The following NLGN1 variants were observed in gnomAD, a reference collection of about 807,000 sequenced individuals.
NLGN1 encodes neuroligin-1.
In NLGN1, 12 loss-of-function variants were observed where a neutral mutation model predicts 65.5. The ratio of observed to expected loss-of-function variants is 0.18; its 90% CI spans 0.12 to 0.30. NLGN1 has a LOEUF of 0.30. Ranked by LOEUF, NLGN1 falls within the 10% of genes least tolerant of loss-of-function variation. The pLI is 1.00. For missense variants in NLGN1, 750 were observed against 1,007.1 expected (o/e 0.74, Z 3.46); for synonymous variants, 350 against 359.5 (o/e 0.97, Z 0.30).
chr3:174,202,211 A>G (rs9842665), intron 4 of NLGN1, among the ~76,000 whole-genome samples: 32,556 of 152,026 alleles, frequency 0.21, 3,847 homozygotes, highest in African/African-American at 0.31. Flanking sequence ...CCAAACACAA[A>G]CCCTCTTGCC....
chr3:174,165,294 C>CT (rs1727292332), intron 4 of NLGN1, among the ~76,000 whole-genome samples: 1 of 151,952 alleles, frequency 6.6e-6, no homozygotes, highest in African/African-American at 2.4e-5. Flanking sequence ...AAGGAAAATG[C>CT]TTTCAGTTTT....
intron 2 of NLGN1, among the ~76,000 whole-genome samples, chr3:173,534,576 T>C (rs1274025250): frequency 6.6e-6 from 1 of 152,216 alleles, no homozygotes; most frequent in Non-Finnish European, 1.5e-5. Flanking sequence ...CTAAATCTTA[T>C]GCTTTCTAGG....
At chr3:173,791,392 G>T (rs375787579) in intron 3 of NLGN1, among the ~76,000 whole-genome samples, 2 of 151,708 alleles carry the variant, frequency 1.3e-5, no homozygotes, top group African/African-American at 2.4e-5. Flanking sequence ...TATTTATTCC[G>T]CACACCACCC....
At chr3:173,963,739 T>C (rs1045337180) in intron 4 of NLGN1, among the ~76,000 whole-genome samples, 3 of 152,220 alleles carry the variant, frequency 2.0e-5, no homozygotes, top group South Asian at 2.1e-4. Context: ...TGTTGAATTA[T>C]GTTGTCAAGC....
intron 4 of NLGN1, among the ~76,000 whole-genome samples, chr3:174,201,569 A>G (rs941325050): frequency 1.8e-4 from 3 of 17,062 alleles, no homozygotes; most frequent in Non-Finnish European, 2.7e-4. Flanking sequence ...TACAAATTAC[A>G]GCCTAGTGAT....
At chr3:173,408,606 A>G (rs1711786705) in intron 1 of NLGN1, among the ~76,000 whole-genome samples, 1 of 152,166 alleles carries the variant, frequency 6.6e-6, no homozygotes, top group Non-Finnish European at 1.5e-5. Flanking sequence ...CATGGCCTCT[A>G]TAACTTCTCA....
intron 4 of NLGN1, among the ~76,000 whole-genome samples, chr3:174,074,731 G>A (rs370009076): frequency 8.5e-5 from 13 of 152,160 alleles, no homozygotes; most frequent in Non-Finnish European, 1.3e-4. Context: ...TAGTGGAAAC[G>A]TAGTTGTGGA....
intron 4 of NLGN1, among the ~76,000 whole-genome samples, chr3:173,943,987 T>G (rs1427150468): frequency 6.6e-6 from 1 of 152,154 alleles, no homozygotes; most frequent in Non-Finnish European, 1.5e-5. Context: ...GAAATGCAGA[T>G]AATGAGTGAC....
At chr3:173,547,066 A>G (rs548234371) in intron 2 of NLGN1, among the ~76,000 whole-genome samples, 6 of 152,286 alleles carry the variant, frequency 3.9e-5, no homozygotes, top group Admixed American at 3.9e-4. Flanking sequence ...TTCATTTTGG[A>G]GATACTCCAC....
chr3:173,918,139 G>A lies in NLGN1; in HGVS notation c.646+110307G>A, dbSNP rs1741117505. 2.0e-5 allele frequency among the ~76,000 whole-genome samples: 3 copies of A among 152,090 alleles called. No individual in the cohort carries two copies. In the South Asian group the frequency reaches 6.2e-4, roughly 32 times the overall value. ...TTGTTCTTATTATTTATTAATAGAA[G>A]TAATGCATTCGTTACTTATTAATAT... On this transcript the variant is annotated intron_variant, in intron 4 of 6. Coordinates refer to ENST00000457714, the Ensembl canonical transcript of NLGN1.
chr3:173,879,152 A>C (rs1438023631), intron 4 of NLGN1, among the ~76,000 whole-genome samples: 1 of 151,912 alleles, frequency 6.6e-6, no homozygotes. Context: ...GAATTGCTTG[A>C]ACCTGGGAGG....
intron 2 of NLGN1, among the ~76,000 whole-genome samples, chr3:173,476,970 TAAA>T (rs1164191616): frequency 6.6e-6 from 1 of 151,942 alleles, no homozygotes; most frequent in Non-Finnish European, 1.5e-5. Flanking sequence ...CTGATTAAGA[TAAA>T]GAAGGAAGGG....
chr3:174,129,354 A>AACAC (rs61122760), intron 4 of NLGN1, among the ~76,000 whole-genome samples: 17,112 of 116,604 alleles, frequency 0.15, 1,562 homozygotes, highest in Non-Finnish European at 0.18. Context: ...CCCGGTTTAC[A>AACAC]ACACACACAC....
intron 2 of NLGN1, among the ~76,000 whole-genome samples, chr3:173,594,462 C>A (rs531392517): frequency 9.2e-5 from 14 of 152,344 alleles, no homozygotes; most frequent in African/African-American, 3.4e-4. Context: ...TGGTCTTGGG[C>A]AGCTCTACCC....
At chr3:174,110,298 A>G (rs893636566) in intron 4 of NLGN1, among the ~76,000 whole-genome samples, 4 of 151,960 alleles carry the variant, frequency 2.6e-5, no homozygotes, top group Admixed American at 6.6e-5. Flanking sequence ...TCTCAAATGA[A>G]CTAATCATAA....
chr3:173,419,098 T>C (rs1388095644), intron 1 of NLGN1, among the ~76,000 whole-genome samples: 2 of 140,448 alleles, frequency 1.4e-5, no homozygotes, highest in Non-Finnish European at 3.1e-5. Flanking sequence ...TATATCTATC[T>C]ATCTATCTAT....
At chr3:173,573,612 A>G (rs1744998423) in intron 2 of NLGN1, among the ~76,000 whole-genome samples, 1 of 150,694 alleles carries the variant, frequency 6.6e-6, no homozygotes, top group African/African-American at 2.4e-5. Flanking sequence ...GATAATGAGT[A>G]TAGGAAGAAG....
At chr3:174,260,801 G>A (rs1746740014) in intron 4 of NLGN1, among the ~76,000 whole-genome samples, 1 of 150,478 alleles carries the variant, frequency 6.6e-6, no homozygotes, top group Non-Finnish European at 1.5e-5. Flanking sequence ...TTTCTTCTAG[G>A]GTTTTTATGG....
At chr3:173,948,201 T>A (rs897697174) in intron 4 of NLGN1, among the ~76,000 whole-genome samples, 4 of 152,178 alleles carry the variant, frequency 2.6e-5, no homozygotes, top group African/African-American at 9.7e-5. Flanking sequence ...TTAGTTAAAT[T>A]CTCCAAATTT....
Sources: gnomAD v4.1 joint callset for allele counts (sites outside exome capture counted in the v4.1 genomes callset) on GRCh38, gnomAD v4.1.1 for gene constraint, MANE v1.5 for transcripts, NCBI Gene and HGNC (gene_info 2026-07-23, HGNC 2026-07-21) for gene names.